Variants in FHIP1A observed in about 807,000 individuals in gnomAD.
The protein encoded by FHIP1A is FHF complex subunit HOOK interacting protein 1A.
FHIP1A carries 61 observed loss-of-function variants against 88.6 expected under a neutral mutation model. The ratio of observed to expected loss-of-function variants is 0.69; its 90% CI spans 0.56 to 0.85. FHIP1A has a LOEUF of 0.85. Among genes scored for constraint, FHIP1A ranks in the 40% least tolerant of loss-of-function variants. The probability of loss-of-function intolerance (pLI) is 0.00; values close to 1 mark genes in which losing one functional copy is unlikely to be tolerated. For synonymous variants in FHIP1A, 478 were observed against 496.0 expected, an observed-to-expected ratio of 0.96 and a Z score of 0.48; for missense variants, 1,154 against 1,273.5, an observed-to-expected ratio of 0.91 and a Z score of 1.43.
At chr4:151,415,799 T>C (rs1435556024) in intron 1 of FHIP1A, among the ~76,000 whole-genome samples, 4 of 152,224 alleles carry the variant, frequency 2.6e-5, no homozygotes, top group Non-Finnish European at 5.9e-5. Flanking sequence ...GCTGAGCTTT[T>C]AGGTAAGGTT....
intron 3 of FHIP1A, among the ~76,000 whole-genome samples, chr4:151,524,747 C>G (rs1053422445): frequency 2.6e-4 from 39 of 152,194 alleles, no homozygotes; most frequent in Admixed American, 3.3e-4. Context: ...TGAGAAGAAG[C>G]TAAACATGAG....
intron 3 of FHIP1A, among the ~76,000 whole-genome samples, chr4:151,529,021 T>C (rs1731780747): frequency 6.6e-6 from 1 of 152,172 alleles, no homozygotes; most frequent in African/African-American, 2.4e-5. Flanking sequence ...CTTGAGCCCT[T>C]CTCAGTTAGA....
chr4:151,515,068 A>G (rs1490124135), intron 3 of FHIP1A, among the ~76,000 whole-genome samples: 3 of 152,154 alleles, frequency 2.0e-5, no homozygotes, highest in Non-Finnish European at 1.5e-5. Context: ...AAATACTGGC[A>G]AACTGAATCC....
At chr4:151,546,762 A>G (rs1232189079) in intron 3 of FHIP1A, among the ~76,000 whole-genome samples, 1 of 152,224 alleles carries the variant, frequency 6.6e-6, no homozygotes, top group Admixed American at 6.5e-5. Flanking sequence ...TAATGTGGAC[A>G]TACACACGCA....
chr4:151,538,509 A>G (rs1289300641), intron 3 of FHIP1A, among the ~76,000 whole-genome samples: 1 of 152,246 alleles, frequency 6.6e-6, no homozygotes, highest in Non-Finnish European at 1.5e-5. Context: ...ATTGCATTTC[A>G]GAAAGATTCC....
chr4:151,632,615 A>C (rs1406170830), intron 8 of FHIP1A, among the ~76,000 whole-genome samples: 1 of 152,112 alleles, frequency 6.6e-6, no homozygotes, highest in Admixed American at 6.6e-5. Flanking sequence ...CATTTACAAA[A>C]ATTGAAAGCA....
intron 1 of FHIP1A, among the ~76,000 whole-genome samples, chr4:151,446,395 T>A (rs1271872464): frequency 2.6e-5 from 4 of 152,040 alleles, no homozygotes; most frequent in African/African-American, 9.7e-5. Flanking sequence ...ATGTGCCTTA[T>A]ATATTCTGGA....
At chr4:151,524,227 G>A (rs931129725) in intron 3 of FHIP1A, among the ~76,000 whole-genome samples, 2 of 152,070 alleles carry the variant, frequency 1.3e-5, no homozygotes, top group Admixed American at 6.5e-5. Context: ...ACTTGAACCC[G>A]GGAGGCGGAG....
At chr4:151,494,377 A>G (rs560415708) in intron 3 of FHIP1A, among the ~76,000 whole-genome samples, 2 of 152,302 alleles carry the variant, frequency 1.3e-5, no homozygotes, top group African/African-American at 4.8e-5. Flanking sequence ...TCCAGCTTCA[A>G]TCTTCTGTAT....
chr4:151,620,028 T>C, intron 7 of FHIP1A, among the ~76,000 whole-genome samples: 1 of 152,182 alleles, frequency 6.6e-6, no homozygotes, highest in East Asian at 1.9e-4. Flanking sequence ...AGAATAAATA[T>C]TGGGGAGACA....
intron 1 of FHIP1A, among the ~76,000 whole-genome samples, chr4:151,440,903 A>G (rs748558241): frequency 5.3e-5 from 8 of 152,108 alleles, no homozygotes; most frequent in Non-Finnish European, 1.2e-4. Flanking sequence ...CTTGTCAGTT[A>G]TCTGCTCAGC....
At chr4:151,660,391 T>C (rs1737410648) in intron 13 of FHIP1A, among the ~76,000 whole-genome samples, 1 of 152,110 alleles carries the variant, frequency 6.6e-6, no homozygotes, top group South Asian at 2.1e-4. Flanking sequence ...AACCCCTTTT[T>C]AGGGGGGAAG....
At chr4:151,648,972 A>C (rs1332491862) in intron 10 of FHIP1A, among the ~76,000 whole-genome samples, 3 of 152,188 alleles carry the variant, frequency 2.0e-5, no homozygotes, top group Non-Finnish European at 2.9e-5. Flanking sequence ...GATAGTCCCC[A>C]GGAAGACAGA....
chr4:151,570,155 T>TA (rs1250724478), intron 4 of FHIP1A, among the ~76,000 whole-genome samples: 2 of 152,150 alleles, frequency 1.3e-5, no homozygotes, highest in Non-Finnish European at 2.9e-5. Flanking sequence ...TGGCTTCTGT[T>TA]ACTCTCTGCC....
intron 3 of FHIP1A, among the ~76,000 whole-genome samples, chr4:151,552,276 C>T (rs1006667805): frequency 2.0e-5 from 3 of 152,160 alleles, no homozygotes; most frequent in African/African-American, 7.2e-5. Flanking sequence ...GGTGATTCCT[C>T]AGGGATCTAG....
At chr4:151,540,342 T>C (rs1025630305) in intron 3 of FHIP1A, among the ~76,000 whole-genome samples, 1 of 152,218 alleles carries the variant, frequency 6.6e-6, no homozygotes, top group African/African-American at 2.4e-5. Flanking sequence ...GATCTCTTTT[T>C]ACAGAAAACA....
At chr4:151,452,951 T>TATATATATATATATATATATATAC (rs1266623899) in intron 1 of FHIP1A, among the ~76,000 whole-genome samples, 23 of 119,312 alleles carry the variant, frequency 1.9e-4, no homozygotes, top group African/African-American at 5.5e-4. Context: ...TATATATATA[T>TATATATATATATATATATATATAC]ACATACACAC....
chr4:151,623,874 C>T (rs1735846257), intron 7 of FHIP1A, among the ~76,000 whole-genome samples: 1 of 152,162 alleles, frequency 6.6e-6, no homozygotes, highest in African/African-American at 2.4e-5. Flanking sequence ...CAACCGTATT[C>T]TCTGCAAGGC....
chr4:151,608,572 C>T (rs2126842296), intron 7 of FHIP1A, among the ~76,000 whole-genome samples: 1 of 152,342 alleles, frequency 6.6e-6, no homozygotes, highest in East Asian at 1.9e-4. Flanking sequence ...CACCCAGGTG[C>T]TCCAGTGACC....
Sources: allele counts gnomAD v4.1 joint callset (sites outside exome capture counted in the v4.1 genomes callset), GRCh38; gene constraint gnomAD v4.1.1; transcripts MANE v1.5; gene names NCBI Gene and HGNC (gene_info 2026-07-23, HGNC 2026-07-21).